LRPPRC: variants seen among roughly 807,000 people sequenced by gnomAD.
LRPPRC encodes leucine rich pentatricopeptide repeat containing.
Under a neutral mutation model 180.3 loss-of-function variants are expected in LRPPRC, and 120 were observed. That is an observed-to-expected ratio of 0.67 (90% CI 0.57 to 0.77). The LOEUF is 0.77. Ranked by LOEUF, LRPPRC falls within the 30% of genes least tolerant of loss-of-function variation. The pLI, the probability that LRPPRC is intolerant of heterozygous loss-of-function variation, is 0.00. For missense variants in LRPPRC, 2,012 were observed against 1,657.2 expected, an observed-to-expected ratio of 1.21 and a Z score of -3.72; for synonymous variants, 723 against 600.0, an observed-to-expected ratio of 1.21 and a Z score of -3.00.
intron 27 of LRPPRC, among the ~76,000 whole-genome samples, chr2:43,920,097 A>G (rs1270075034): frequency 6.6e-6 from 1 of 151,650 alleles, no homozygotes; most frequent in Admixed American, 6.6e-5. Context: ...AAAAAAAAAA[A>G]AAAAACTTAG....
intron 1 of LRPPRC, among the ~76,000 whole-genome samples, chr2:43,986,331 T>C (rs937731437): frequency 6.6e-6 from 1 of 152,152 alleles, no homozygotes; most frequent in Non-Finnish European, 1.5e-5. Flanking sequence ...AGTTTTACCA[T>C]GTTGGCCAGG....
chr2:43,977,464 A>C (rs1408499113), intron 3 of LRPPRC, among the ~76,000 whole-genome samples, 188 bp from the exon 4 acceptor site: 1 of 152,170 alleles, frequency 6.6e-6, no homozygotes, highest in East Asian at 1.9e-4. Flanking sequence ...TAAGACAGTA[A>C]TTACTGAGTT....
At chr2:43,894,453 G>C in intron 36 of LRPPRC, 92 bp downstream of exon 36, 1 of 718,128 alleles carries the variant, frequency 1.4e-6, no homozygotes, top group Non-Finnish European at 2.5e-6. Context: ...CTAAGACTTA[G>C]TTCACTATAC....
chr2:43,894,789 T>C lies in LRPPRC; in HGVS notation c.3901-160A>G, dbSNP rs17496251. 0.088 allele frequency among the ~76,000 whole-genome samples: 13,422 copies of C among 152,292 alleles called. 675 individuals carry two copies. Among genetic ancestry groups the C allele is most frequent in the South Asian group, 0.15 (704 of 4,826 alleles). On this transcript the variant is annotated intron_variant, in intron 35 of 37. Coordinates refer to ENST00000260665, the MANE Select transcript of LRPPRC (RefSeq NM_133259.4). ...GTCCCTTGTATATTAGCATTTGATA[T>C]TGACTCAATAATCTACAGCTAAAAG... is the stretch of plus-strand genomic sequence containing the variant.
At chr2:43,964,349 T>C (rs1377704064) in intron 11 of LRPPRC, among the ~76,000 whole-genome samples, 2 of 152,164 alleles carry the variant, frequency 1.3e-5, no homozygotes, top group African/African-American at 4.8e-5. Flanking sequence ...CTACAGTGAG[T>C]TTCAAATAGA....
At chr2:43,985,362 C>T (rs1674485036) in intron 1 of LRPPRC, among the ~76,000 whole-genome samples, 1 of 152,136 alleles carries the variant, frequency 6.6e-6, no homozygotes. Context: ...AACCAAAGTC[C>T]ATAATTTACA....
Position 43,899,450 on chromosome 2 carries a change from C to G in LRPPRC, c.3709+16G>C. 1 of 1,614,112 alleles carries G rather than the reference C, an allele frequency of 6.2e-7. No homozygotes were observed. The highest frequency in any genetic ancestry group is 8.5e-7 in the Non-Finnish European group (1 of 1,179,984). ...AAATGTGCTTGTGTGTTCTTTAGCA[C>G]AAACAACTAACTTACTCTTTTCAAC... On this transcript the variant is annotated intron_variant, in intron 33 of 37. Coordinates refer to ENST00000260665, the MANE Select transcript of LRPPRC (RefSeq NM_133259.4).
chr2:43,977,280 C>G lies in LRPPRC; in HGVS notation c.470-4G>C. 6.3e-7 allele frequency: 1 copy of G among 1,597,246 alleles called. No homozygotes were observed. The highest frequency in any genetic ancestry group is 8.6e-7 in the Non-Finnish European group (1 of 1,165,704). On this transcript the variant is annotated splice_polypyrimidine_tract_variant and splice_region_variant and intron_variant, in intron 3 of 37. Transcript: ENST00000260665. The stretch of plus-strand genomic sequence containing the variant: ...TGACTCACATCATACACAGCACCTA[C>G]AAATGAAATTTAAAATGAATTTTTA...
chr2:43,965,917 G>A (rs1386302999), intron 11 of LRPPRC, among the ~76,000 whole-genome samples: 1 of 152,150 alleles, frequency 6.6e-6, no homozygotes, highest in Non-Finnish European at 1.5e-5. Flanking sequence ...GTTGGTGGGA[G>A]AGTATGGAGA....
Position 43,950,596 on chromosome 2 carries a change from T to A in LRPPRC, c.1654A>T (p.Met552Leu). Residue 552 changes from methionine (M) to leucine (L), a missense_variant, in exon 15 of 38, where the codon ATG becomes TTG. Physicochemically the swap from Met to Leu is conservative, Grantham distance 15. Transcript: ENST00000260665. Reference protein sequence around the residue: ...SSLLLGFRRSMNINLWSEITE... With the variant: ...SSLLLGFRRSLNINLWSEITE... ...ACCTCGCTCCAAAGATTTATATTCATAGACCTGCAGAGGGCAGCAAAGGAT... is the reference window on the plus strand; with the variant it reads ...ACCTCGCTCCAAAGATTTATATTCAAAGACCTGCAGAGGGCAGCAAAGGAT... The A allele has an allele frequency of 1.2e-6, 2 of 1,613,550 alleles. No individual in the cohort carries two copies. The highest frequency in any genetic ancestry group is 1.7e-6 in the Non-Finnish European group (2 of 1,179,542).
At chr2:43,995,694 G>A (rs1472558081) in intron 1 of LRPPRC, 105 bp downstream of exon 1, 2 of 1,112,858 alleles carry the variant, frequency 1.8e-6, no homozygotes, top group Non-Finnish European at 2.4e-6. Flanking sequence ...CCTGGGGCGG[G>A]GAGAAGGGTG....
At chr2:43,929,217 A>G (rs1671995634) in intron 25 of LRPPRC, among the ~76,000 whole-genome samples, 1 of 152,214 alleles carries the variant, frequency 6.6e-6, no homozygotes, top group African/African-American at 2.4e-5. Flanking sequence ...TTTACTTCTT[A>G]GAAGCACTTC....
At chr2:43,915,226 TCTCTCTCACACACACACACACACACA>T (rs1199946525) in intron 29 of LRPPRC, among the ~76,000 whole-genome samples, 9 of 84,118 alleles carry the variant, frequency 1.1e-4, no homozygotes, top group East Asian at 6.7e-4. Flanking sequence ...TCTCTCTCTC[TCTCTCTCACACACACACACACACACA>T]CACACACACA....
chr2:43,985,520 C>T (rs1471337879), intron 1 of LRPPRC, among the ~76,000 whole-genome samples: 2 of 152,176 alleles, frequency 1.3e-5, no homozygotes, highest in African/African-American at 2.4e-5. Flanking sequence ...CCCCTGGCAA[C>T]CACTGATTTT....
Position 43,995,963 on chromosome 2 carries a change from G to A in LRPPRC, c.-16C>T, listed in dbSNP as rs779374741. Reference sequence around the variant, plus strand: ...GGGCTGCCATTGCTCGAACGTCCCCGCAGCGGGAAGCACGCTCCGCCAGAA... The same window carrying A: ...GGGCTGCCATTGCTCGAACGTCCCCACAGCGGGAAGCACGCTCCGCCAGAA... On this transcript the variant is annotated 5_prime_UTR_variant, in exon 1 of 38. Coordinates refer to ENST00000260665, the MANE Select transcript of LRPPRC (RefSeq NM_133259.4). The A allele has an allele frequency of 6.6e-6, 10 of 1,523,784 alleles. No individual in the cohort carries two copies. The highest frequency in any genetic ancestry group is 2.5e-5 in the East Asian group (1 of 39,216). 94.4% of individuals were successfully genotyped at this position (1,523,784 alleles called of 1,614,324 possible).
intron 5 of LRPPRC, among the ~76,000 whole-genome samples, chr2:43,976,600 A>G (rs1339469712): frequency 1.3e-5 from 2 of 152,084 alleles, no homozygotes; most frequent in African/African-American, 2.4e-5. Context: ...ATAAGTAGTA[A>G]TAAATTTTAC....
intron 15 of LRPPRC, 71 bp from the exon 16 acceptor site, chr2:43,949,730 T>C: frequency 1.9e-6 from 2 of 1,043,986 alleles, no homozygotes; most frequent in Non-Finnish European, 3.0e-6. Flanking sequence ...TGAAATTGAA[T>C]TCTTGAAATA....
chr2:43,954,215 T>C (rs1169433525), intron 14 of LRPPRC, among the ~76,000 whole-genome samples: 1 of 152,196 alleles, frequency 6.6e-6, no homozygotes, highest in East Asian at 1.9e-4. Flanking sequence ...CATGTGACAG[T>C]GTATAGATAA....
rs774381764 is a variant in LRPPRC at position 43,899,585 on chromosome 2, A to C, written c.3590T>G (p.Ile1197Arg). 6 of 1,610,880 alleles carry C rather than the reference A, an allele frequency of 3.7e-6. No homozygotes were observed. In the South Asian group the frequency reaches 6.6e-5, roughly 18 times the overall value. Residue 1197 changes from isoleucine to arginine, a missense_variant, in exon 33 of 38, where the codon ATA (isoleucine) becomes AGA (arginine). Ile to Arg is a moderately conservative substitution (Grantham distance 97, BLOSUM62 -3). Transcript: ENST00000260665. The part of the protein sequence containing the change: ...QIKNNNIDAA[I>R]ENIENMLTSE... ...AGTAAGCATATTTTCAATGTTTTCT[A>C]TTGCGGCATCTATGTTATTACTGTT...
Sources: allele counts gnomAD v4.1 joint callset (sites outside exome capture counted in the v4.1 genomes callset), GRCh38; gene constraint gnomAD v4.1.1; transcripts MANE v1.5; gene names NCBI Gene and HGNC (gene_info 2026-07-23, HGNC 2026-07-21).